Variants in ADGRG2 observed in about 807,000 individuals in gnomAD.
ADGRG2 encodes G protein-coupled receptor 64.
Under a neutral mutation model 74.1 loss-of-function variants are expected in ADGRG2, and 26 were observed. That is an observed-to-expected ratio of 0.35 (90% confidence interval 0.26 to 0.49). The LOEUF is 0.49. Ranked by LOEUF, ADGRG2 falls within the 20% of genes least tolerant of loss-of-function variation. ADGRG2 has a pLI of 0.99. For missense variants in ADGRG2, 619 were observed against 763.1 expected (o/e 0.81, Z 2.22); for synonymous variants, 296 against 295.2 (o/e 1.00, Z -0.03).
chrX:18,995,716 T>C (rs2060005967), intron 27 of ADGRG2, among the ~76,000 whole-genome samples: 1 of 112,247 alleles, frequency 8.9e-6, no homozygotes, highest in Non-Finnish European at 1.9e-5. Context: ...GTTGAGATTT[T>C]AAAAATTACC....
In ADGRG2 at chrX:19,065,296, G is replaced by GT. The variant is rs1286268337; in HGVS notation, c.118+3420_118+3421insA. On this transcript the variant is annotated intron_variant, in intron 3 of 28. Coordinates refer to ENST00000379869, the MANE Select transcript of ADGRG2 (RefSeq NM_001079858.3). ...AAAAAAAAAAAAAAAGTAAAGAAAA[G>GT]AAAGAAAAAGAAAAAAACAAAAACA... Among the ~76,000 whole-genome samples, 342 of 73,030 alleles carry GT rather than the reference G, an allele frequency of 4.7e-3. 9 individuals are homozygous for GT. Among genetic ancestry groups the GT allele is most frequent in the African/African-American group, 0.016 (325 of 19,706 alleles). 63.4% of individuals were successfully genotyped at this position (73,030 alleles called of 115,157 possible).
chrX:19,093,873 A>G (rs1415614122), intron 1 of ADGRG2, among the ~76,000 whole-genome samples: 2 of 108,471 alleles, frequency 1.8e-5, no homozygotes, highest in Non-Finnish European at 3.8e-5. Context: ...GTGTCTATCA[A>G]TGGTGGACAT....
chrX:18,996,736 G>A (rs2060026003), intron 26 of ADGRG2, among the ~76,000 whole-genome samples: 1 of 110,334 alleles, frequency 9.1e-6, no homozygotes. Flanking sequence ...AGACCTGAAG[G>A]GGCCCTGGGA....
rs1171283990 is a variant in ADGRG2, at chrX:19,070,183, G to A, written c.-1-1348C>T. On this transcript the variant is annotated intron_variant, in intron 2 of 28. Transcript: ENST00000379869. ...TCATGAATCCCACAGAGGGGTCAAG[G>A]GAACTATCCAGTTTCATCAGTACAT... Among the ~76,000 whole-genome samples the A allele has an allele frequency of 6.2e-5, 7 of 112,251 alleles. No homozygotes were observed. The Admixed American group carries it at 6.5e-4, about 10-fold the overall frequency.
intron 3 of ADGRG2, among the ~76,000 whole-genome samples, chrX:19,052,670 AAC>A (rs1163616948): frequency 9.2e-6 from 1 of 108,924 alleles, no homozygotes; most frequent in East Asian, 2.8e-4. Flanking sequence ...ATGTATATAC[AAC>A]ACATAAAATT....
intron 1 of ADGRG2, among the ~76,000 whole-genome samples, chrX:19,094,264 T>G (rs1223115932): frequency 9.0e-6 from 1 of 110,960 alleles, no homozygotes; most frequent in Non-Finnish European, 1.9e-5. Flanking sequence ...ACGGCTATAA[T>G]GTACACTATC....
chrX:19,061,808 T>C (rs1459592431), intron 3 of ADGRG2, among the ~76,000 whole-genome samples: 1 of 112,134 alleles, frequency 8.9e-6, no homozygotes, highest in Non-Finnish European at 1.9e-5. Flanking sequence ...GCGCCTGGGC[T>C]GAGAATGGCG....
At chrX:19,031,462 A>C (rs2060823748) in intron 8 of ADGRG2, 1 of 116,571 alleles carries the variant, frequency 8.6e-6, no homozygotes, top group African/African-American at 3.2e-5. Context: ...CTTTATGCAA[A>C]TGTATGTATG....
At chrX:19,055,028 C>T (rs979077433) in intron 3 of ADGRG2, among the ~76,000 whole-genome samples, 1 of 111,951 alleles carries the variant, frequency 8.9e-6, no homozygotes, top group African/African-American at 3.2e-5. Flanking sequence ...CAATAAGCGA[C>T]GTGGGGCTCA....
At position 19,033,326 on chromosome X, in the gene ADGRG2, T is replaced by C; in HGVS notation, c.304+287A>G. On this transcript the variant is annotated intron_variant, in intron 8 of 28. Coordinates refer to ENST00000379869, the MANE Select transcript of ADGRG2 (RefSeq NM_001079858.3). Reference sequence around the variant, plus strand: ...CATGTCAGTAATACTTGTATAATCATTGCCTTTATCTGCATGCATGTTCAT... The same window carrying C: ...CATGTCAGTAATACTTGTATAATCACTGCCTTTATCTGCATGCATGTTCAT... 1.4e-5 allele frequency: 3 copies of C among 219,929 alleles called. No individual in the cohort carries two copies. In the South Asian group the frequency reaches 3.6e-4, roughly 26 times the overall value. The allele number at this position is 219,929 out of a possible 1,213,427, so 18.1% of individuals were successfully genotyped here.
chrX:19,107,049 T>A (rs1404079565), intron 1 of ADGRG2, among the ~76,000 whole-genome samples: 1 of 111,219 alleles, frequency 9.0e-6, no homozygotes, highest in African/African-American at 3.3e-5. Context: ...CATCCATCAG[T>A]GGGCAACGGG....
intron 15 of ADGRG2, 72 bp from the exon 16 acceptor site, chrX:19,014,146 G>A (rs2060417414): frequency 1.2e-6 from 1 of 842,522 alleles, no homozygotes. Context: ...TTTCCCCTCT[G>A]GCAATCATCT....
At chrX:19,073,629 A>G (rs2061688730) in intron 2 of ADGRG2, among the ~76,000 whole-genome samples, 5 of 112,077 alleles carry the variant, frequency 4.5e-5, no homozygotes. Context: ...GCAACCTGTT[A>G]TGCCAATAAA....
chrX:19,110,843 T>A (rs1218700888), intron 1 of ADGRG2, among the ~76,000 whole-genome samples: 4 of 111,399 alleles, frequency 3.6e-5, no homozygotes, highest in Non-Finnish European at 7.5e-5. Flanking sequence ...GCAAGAGAGA[T>A]AGAAGAGGGG....
intron 3 of ADGRG2, among the ~76,000 whole-genome samples, chrX:19,045,733 A>G (rs150373647): frequency 2.5e-3 from 274 of 110,395 alleles, no homozygotes; most frequent in African/African-American, 8.8e-3. Context: ...GAACCTTAGA[A>G]CCTTCTAATT....
chrX:18,993,274 C>T (rs1275652908), intron 28 of ADGRG2, among the ~76,000 whole-genome samples: 4 of 111,186 alleles, frequency 3.6e-5, no homozygotes, highest in African/African-American at 1.3e-4. Flanking sequence ...TTGATAGAGT[C>T]CAGGGATCCT....
intron 1 of ADGRG2, among the ~76,000 whole-genome samples, chrX:19,107,872 G>A (rs1413540092): frequency 2.8e-5 from 3 of 108,376 alleles, no homozygotes; most frequent in Non-Finnish European, 5.7e-5. Context: ...AGGCTGAGGC[G>A]GGCGGATCAC....
chrX:19,101,202 T>A (rs753136282), intron 1 of ADGRG2, among the ~76,000 whole-genome samples: 1 of 108,573 alleles, frequency 9.2e-6, no homozygotes, highest in East Asian at 2.9e-4. Flanking sequence ...CTGGGAGTGG[T>A]TTGTGGATAA....
intron 15 of ADGRG2, among the ~76,000 whole-genome samples, chrX:19,015,274 T>C (rs1440271819): frequency 1.8e-5 from 2 of 112,007 alleles, no homozygotes; most frequent in African/African-American, 6.5e-5. Flanking sequence ...GAATATTAGG[T>C]CAAGGGGCCT....
Sources: gnomAD v4.1 joint callset for allele counts (sites outside exome capture counted in the v4.1 genomes callset) on GRCh38, gnomAD v4.1.1 for gene constraint, MANE v1.5 for transcripts, NCBI Gene and HGNC (gene_info 2026-07-23, HGNC 2026-07-21) for gene names.